Variants in CDH12 observed in about 807,000 individuals in gnomAD.
The protein encoded by CDH12 is cadherin 12.
In CDH12, 41 loss-of-function variants were observed where a neutral mutation model predicts 74.1. The observed-to-expected ratio is 0.55, with a 90% CI of 0.43 to 0.72. The LOEUF (loss-of-function observed/expected upper bound fraction) is 0.72, where lower values mean the gene tolerates loss of function less well. CDH12 is among the 30% of genes least tolerant of loss of function. The pLI is 0.00. For missense variants in CDH12, 945 were observed against 977.2 expected (o/e 0.97, Z 0.44); for synonymous variants, 399 against 355.0 (o/e 1.12, Z -1.39).
chr5:22,136,455 C>A (rs1404687389), intron 4 of CDH12, among the ~76,000 whole-genome samples: 1 of 151,934 alleles, frequency 6.6e-6, no homozygotes, highest in East Asian at 1.9e-4. Flanking sequence ...GGGTAGCGTG[C>A]ATCAAAGACA....
At chr5:22,146,826 C>G (rs556651902) in intron 4 of CDH12, among the ~76,000 whole-genome samples, 1 of 152,078 alleles carries the variant, frequency 6.6e-6, no homozygotes, top group East Asian at 1.9e-4. Context: ...TCCATCTAAA[C>G]AGTTATATCA....
chr5:22,556,123 G>A (rs1340112763), intron 1 of CDH12, among the ~76,000 whole-genome samples: 1 of 151,812 alleles, frequency 6.6e-6, no homozygotes, highest in African/African-American at 2.4e-5. Flanking sequence ...ATTTTAACAT[G>A]TGCTTTAAAA....
At chr5:22,756,098 G>GAAAAAAAAAAA (rs60067455) in intron 1 of CDH12, among the ~76,000 whole-genome samples, 9 of 87,328 alleles carry the variant, frequency 1.0e-4, no homozygotes, top group Admixed American at 2.7e-4. Context: ...TTCAAGGACC[G>GAAAAAAAAAAA]AAAAAAAAAA....
In CDH12 at chr5:21,797,488, C is replaced by CATGG. The variant is rs1334104228; in HGVS notation, c.1256+4675_1256+4678dup. ...TCCAGTTTGTTGTTCACTCCAAGGA[C>CATGG]ATGGAACAAAGACAGGTTTCATGTT... On this transcript the variant is annotated intron_variant, in intron 10 of 14. Transcript: ENST00000382254. Among the ~76,000 whole-genome samples, 4 of 152,196 alleles carry CATGG rather than the reference C, an allele frequency of 2.6e-5. No individual in the cohort carries two copies. The South Asian group carries it at 8.3e-4, about 32-fold the overall frequency.
intron 3 of CDH12, among the ~76,000 whole-genome samples, chr5:22,284,779 A>G (rs1337181165): frequency 6.6e-6 from 1 of 152,122 alleles, no homozygotes; most frequent in Non-Finnish European, 1.5e-5. Context: ...CCACCCTGCC[A>G]CAACTTAGCC....
intron 2 of CDH12, among the ~76,000 whole-genome samples, chr5:22,429,866 G>A (rs1026671899): frequency 2.0e-5 from 3 of 152,060 alleles, no homozygotes; most frequent in Non-Finnish European, 2.9e-5. Flanking sequence ...TAATTAATTG[G>A]CCTATTCAAA....
intron 2 of CDH12, among the ~76,000 whole-genome samples, chr5:22,482,683 G>C (rs1322611464): frequency 6.6e-6 from 1 of 152,068 alleles, no homozygotes; most frequent in Non-Finnish European, 1.5e-5. Flanking sequence ...TTAACCCTTA[G>C]TAAGATATTA....
intron 6 of CDH12, among the ~76,000 whole-genome samples, chr5:21,957,166 T>G (rs1756139068): frequency 6.6e-6 from 1 of 152,148 alleles, no homozygotes; most frequent in South Asian, 2.1e-4. Context: ...ACATGCAGTA[T>G]TTTCTAGTAT....
chr5:22,784,126 A>T (rs192818504), intron 1 of CDH12, among the ~76,000 whole-genome samples: 2 of 152,238 alleles, frequency 1.3e-5, no homozygotes, highest in Admixed American at 6.5e-5. Flanking sequence ...CATTGCCACT[A>T]TATATAAAGG....
chr5:22,428,902 A>G (rs1336314972), intron 2 of CDH12, among the ~76,000 whole-genome samples: 2 of 152,164 alleles, frequency 1.3e-5, no homozygotes, highest in African/African-American at 4.8e-5. Context: ...AATCAAAGTC[A>G]TATGATCCTC....
intron 1 of CDH12, among the ~76,000 whole-genome samples, chr5:22,775,444 A>T (rs1279364242): frequency 1.3e-5 from 2 of 152,108 alleles, no homozygotes; most frequent in Non-Finnish European, 2.9e-5. Flanking sequence ...CCAAGGTAAC[A>T]AACTAAAATT....
intron 3 of CDH12, among the ~76,000 whole-genome samples, chr5:22,380,171 A>G (rs1344371585): frequency 3.3e-5 from 5 of 152,216 alleles, no homozygotes; most frequent in African/African-American, 1.2e-4. Context: ...AAACTTGTAG[A>G]GGGTCTGAGA....
At chr5:22,269,299 A>G (rs1736277686) in intron 3 of CDH12, among the ~76,000 whole-genome samples, 1 of 152,054 alleles carries the variant, frequency 6.6e-6, no homozygotes, top group African/African-American at 2.4e-5. Flanking sequence ...CTATTCTTCA[A>G]ATGTCTAGTC....
At chr5:21,802,599 T>TTTTC (rs1313490141) in intron 9 of CDH12, among the ~76,000 whole-genome samples, 179 bp from the exon 10 acceptor site, 3 of 145,372 alleles carry the variant, frequency 2.1e-5, no homozygotes, top group Non-Finnish European at 4.6e-5. Flanking sequence ...TTTTCTTTTT[T>TTTTC]TTTTTTTTTT....
intron 2 of CDH12, among the ~76,000 whole-genome samples, chr5:22,491,620 A>AC (rs1467160357): frequency 0.012 from 134 of 10,874 alleles, 2 homozygotes; most frequent in African/African-American, 0.046. Flanking sequence ...CAAAAAAAAA[A>AC]ACAAAAAAAA....
intron 1 of CDH12, among the ~76,000 whole-genome samples, chr5:22,820,291 G>C (rs1749624971): frequency 6.6e-6 from 1 of 151,972 alleles, no homozygotes; most frequent in Non-Finnish European, 1.5e-5. Flanking sequence ...CACCGATATG[G>C]TTTGGTTTTG....
chr5:22,357,043 TTATC>T (rs1378935010), intron 3 of CDH12, among the ~76,000 whole-genome samples: 2 of 152,100 alleles, frequency 1.3e-5, no homozygotes, highest in Admixed American at 6.6e-5. Flanking sequence ...GTGTAGCAAT[TTATC>T]TATCTATCTA....
At chr5:22,164,452 T>C (rs1748559626) in intron 4 of CDH12, among the ~76,000 whole-genome samples, 1 of 152,170 alleles carries the variant, frequency 6.6e-6, no homozygotes. Flanking sequence ...TGCTGGATCC[T>C]GAGGGATGGA....
chr5:22,116,367 T>C (rs1234834455), intron 4 of CDH12, among the ~76,000 whole-genome samples: 1 of 152,058 alleles, frequency 6.6e-6, no homozygotes, highest in Non-Finnish European at 1.5e-5. Context: ...GAAAAGAATC[T>C]GGCCGAGACG....
Sources: gnomAD v4.1 joint callset for allele counts (sites outside exome capture counted in the v4.1 genomes callset) on GRCh38, gnomAD v4.1.1 for gene constraint, MANE v1.5 for transcripts, NCBI Gene and HGNC (gene_info 2026-07-23, HGNC 2026-07-21) for gene names.